Variants in TNRC6B observed in about 807,000 individuals in gnomAD.
TNRC6B encodes the protein trinucleotide repeat containing adaptor 6B.
A neutral mutation model predicts 203.6 loss-of-function variants in TNRC6B; 52 were observed. That is an observed-to-expected ratio of 0.26 (90% CI 0.20 to 0.32). The LOEUF (loss-of-function observed/expected upper bound fraction) is 0.32, where lower values mean the gene tolerates loss of function less well. TNRC6B is among the 10% of genes least tolerant of loss of function. The probability of loss-of-function intolerance (pLI) is 1.00; values close to 1 mark genes in which losing one functional copy is unlikely to be tolerated. For synonymous variants in TNRC6B, 838 were observed against 845.7 expected (o/e 0.99, Z 0.16); for missense variants, 1,923 against 2,286.2 (o/e 0.84, Z 3.24).
chr22:40,132,969 A>AAATATATATATATATATATATATATAT (rs1282694632), intron 3 of TNRC6B, among the ~76,000 whole-genome samples: 2 of 78,168 alleles, frequency 2.6e-5, no homozygotes, highest in African/African-American at 4.0e-5. Context: ...AAAAAAAAAA[A>AAATATATATATATATATATATATATAT]ATATATATAT....
chr22:40,239,941 G>A (rs1272755624), intron 1 of TNRC6B, among the ~76,000 whole-genome samples: 1 of 151,968 alleles, frequency 6.6e-6, no homozygotes, highest in Admixed American at 6.6e-5. Context: ...AGGTTCAAAT[G>A]ACTCTCCTGC....
intron 1 of TNRC6B, among the ~76,000 whole-genome samples, chr22:40,081,449 C>T (rs1959421223): frequency 6.6e-6 from 1 of 151,740 alleles, no homozygotes; most frequent in Admixed American, 6.6e-5. Flanking sequence ...TCCCTGCTTG[C>T]TTCCATTGTA....
chr22:40,206,018 C>T (rs1281322266), intron 1 of TNRC6B, among the ~76,000 whole-genome samples: 2 of 152,184 alleles, frequency 1.3e-5, no homozygotes, highest in Non-Finnish European at 2.9e-5. Context: ...TGGGCCTTTA[C>T]CTCTTTAAGC....
chr22:40,127,827 T>C (rs1053610383), intron 3 of TNRC6B, among the ~76,000 whole-genome samples: 3 of 152,100 alleles, frequency 2.0e-5, no homozygotes, highest in Admixed American at 1.3e-4. Context: ...GCTGTGATCA[T>C]GCCACTGCAC....
rs968368432 is a variant in TNRC6B, at chr22:40,152,822, C to T, written c.46-3293C>T. On this transcript the variant is annotated intron_variant, in intron 3 of 23. Coordinates refer to the TNRC6B transcript ENST00000301923. Reference sequence around the variant, plus strand: ...TGGGTAAAAAAAATGTTTTTATGGCCGGGTGTGGTGGCTCACACCTATAAT... The same window carrying T: ...TGGGTAAAAAAAATGTTTTTATGGCTGGGTGTGGTGGCTCACACCTATAAT... Among the ~76,000 whole-genome samples, 11 of 151,116 alleles carry T rather than the reference C, an allele frequency of 7.3e-5. No homozygotes were observed. The East Asian group carries it at 1.2e-3, about 16-fold the overall frequency.
Position 40,154,860 on chromosome 22 carries a change from A to AATATATAT in TNRC6B, c.46-1227_46-1220dup, listed in dbSNP as rs71199273. On this transcript the variant is annotated intron_variant, in intron 3 of 23. Coordinates refer to the TNRC6B transcript ENST00000301923. ...TATCTCAAAAAAAAAAAAAAAAAAA[A>AATATATAT]ATATATATATATATATATATATATA... Among the ~76,000 whole-genome samples, 92 of 23,560 alleles carry AATATATAT rather than the reference A, an allele frequency of 3.9e-3. 1 individual carries two copies. Among genetic ancestry groups the AATATATAT allele is most frequent in the Non-Finnish European group, 4.7e-3 (76 of 16,076 alleles). The allele number at this position is 23,560 out of a possible 152,430, so 15.5% of individuals were successfully genotyped here. A position where few individuals can be genotyped will look rare whatever the true frequency, so the allele number is the denominator to read the frequency against.
At chr22:40,318,723 C>T (rs1386772665) in intron 21 of TNRC6B, among the ~76,000 whole-genome samples, 2 of 151,998 alleles carry the variant, frequency 1.3e-5, no homozygotes, top group African/African-American at 4.8e-5. Context: ...AAGAGATGCA[C>T]TGTTTTGAAA....
chr22:40,268,228 G>GCT (rs2070508041), intron 5 of TNRC6B, among the ~76,000 whole-genome samples: 1 of 152,140 alleles, frequency 6.6e-6, no homozygotes, highest in African/African-American at 2.4e-5. Flanking sequence ...TGGGATTACA[G>GCT]GCACCCACTG....
At chr22:40,153,691 CA>C (rs1285487267) in intron 3 of TNRC6B, among the ~76,000 whole-genome samples, 1 of 151,646 alleles carries the variant, frequency 6.6e-6, no homozygotes, top group Admixed American at 6.6e-5. Flanking sequence ...GCACTGTTAG[CA>C]CTGAATATTG....
intron 11 of TNRC6B, among the ~76,000 whole-genome samples, chr22:40,282,154 A>G (rs987673124): frequency 3.3e-5 from 5 of 152,226 alleles, no homozygotes; most frequent in African/African-American, 1.2e-4. Flanking sequence ...ACTTGTAATT[A>G]TTAGTTGCAT....
intron 1 of TNRC6B, among the ~76,000 whole-genome samples, chr22:40,210,127 G>C (rs554214227): frequency 7.2e-5 from 11 of 152,246 alleles, no homozygotes; most frequent in African/African-American, 2.6e-4. Context: ...TTGCTTGTGG[G>C]ATGCCCGCCT....
chr22:40,234,639 A>G (rs1385020745), intron 1 of TNRC6B, among the ~76,000 whole-genome samples: 4 of 152,214 alleles, frequency 2.6e-5, no homozygotes, highest in African/African-American at 9.6e-5. Flanking sequence ...CAACATATAA[A>G]AGTGTTACCT....
chr22:40,301,411 C>A, intron 15 of TNRC6B, 78 bp downstream of exon 15: 1 of 1,420,136 alleles, frequency 7.0e-7, no homozygotes, highest in Non-Finnish European at 9.6e-7. Flanking sequence ...ACCTGCATTA[C>A]CCTCCTTTTT....
chr22:40,097,141 G>T (rs2068192070), intron 1 of TNRC6B, among the ~76,000 whole-genome samples: 1 of 152,104 alleles, frequency 6.6e-6, no homozygotes, highest in Non-Finnish European at 1.5e-5. Context: ...GTTGTCTGTG[G>T]GCTGGAAGGC....
intron 1 of TNRC6B, among the ~76,000 whole-genome samples, chr22:40,059,332 T>A (rs2067828208): frequency 6.6e-6 from 1 of 152,262 alleles, no homozygotes; most frequent in South Asian, 2.1e-4. Context: ...TTACGTAGAC[T>A]TTGCTAATTG....
chr22:40,169,037 C>T (rs1242329021), intron 4 of TNRC6B, among the ~76,000 whole-genome samples: 2 of 151,882 alleles, frequency 1.3e-5, no homozygotes, highest in Non-Finnish European at 2.9e-5. Flanking sequence ...TGGGCCTAGT[C>T]CTAGCATAGT....
chr22:40,278,609 C>T (rs928266486), intron 9 of TNRC6B, among the ~76,000 whole-genome samples: 2 of 151,380 alleles, frequency 1.3e-5, no homozygotes, highest in Admixed American at 6.6e-5. Flanking sequence ...AACTGTGGAG[C>T]GTCCACCTAG....
In TNRC6B at chr22:40,170,333, A is replaced by ATATATATATTATG. The variant is rs1569005874; in HGVS notation, c.113+14157_113+14158insTATTATGTATATA. Among the ~76,000 whole-genome samples the ATATATATATTATG allele has an allele frequency of 4.0e-4, 32 of 79,378 alleles. 1 individual carries two copies. Among genetic ancestry groups the ATATATATATTATG allele is most frequent in the Non-Finnish European group, 5.8e-4 (26 of 44,568 alleles). The allele number at this position is 79,378 out of a possible 152,430, so 52.1% of individuals were successfully genotyped here. A position where few individuals can be genotyped will look rare whatever the true frequency, so the allele number is the denominator to read the frequency against. On this transcript the variant is annotated intron_variant, in intron 4 of 23. Coordinates refer to the TNRC6B transcript ENST00000301923. ...ATATTTTATATATATTATATATATT[A>ATATATATATTATG]TATATAGTTTATATATATATTATGT...
intron 12 of TNRC6B, among the ~76,000 whole-genome samples, chr22:40,299,547 T>C (rs2070994416): frequency 6.6e-6 from 1 of 152,156 alleles, no homozygotes; most frequent in Non-Finnish European, 1.5e-5. Context: ...CTCTAAAGTC[T>C]TTTTTTAACC....
Sources: gnomAD v4.1 joint callset for allele counts (sites outside exome capture counted in the v4.1 genomes callset) on GRCh38, gnomAD v4.1.1 for gene constraint, MANE v1.5 for transcripts, NCBI Gene and HGNC (gene_info 2026-07-23, HGNC 2026-07-21) for gene names.